The following MCC variants were observed in gnomAD, a reference collection of about 807,000 sequenced individuals.
MCC encodes MCC regulator of Wnt signaling pathway.
Under a neutral mutation model 116.2 loss-of-function variants are expected in MCC, and 90 were observed. The ratio of observed to expected loss-of-function variants is 0.77; its 90% CI spans 0.65 to 0.92. The LOEUF is 0.92. Ranked by LOEUF, MCC falls within the 40% of genes least tolerant of loss-of-function variation. The probability of loss-of-function intolerance (pLI) is 0.00; values close to 1 mark genes in which losing one functional copy is unlikely to be tolerated. For missense variants in MCC, 1,516 were observed against 1,312.2 expected, an observed-to-expected ratio of 1.16 and a Z score of -2.40; for synonymous variants, 578 against 510.5, an observed-to-expected ratio of 1.13 and a Z score of -1.78.
chr5:113,379,481 A>G (rs1241198449), intron 2 of MCC, among the ~76,000 whole-genome samples: 1 of 152,206 alleles, frequency 6.6e-6, no homozygotes, highest in African/African-American at 2.4e-5. Context: ...ATCTTGAGAC[A>G]TAAAAAACTT....
chr5:113,217,191 A>T (rs1000009302), intron 3 of MCC, among the ~76,000 whole-genome samples: 2 of 152,242 alleles, frequency 1.3e-5, no homozygotes, highest in Admixed American at 1.3e-4. Flanking sequence ...TAAAAGACCA[A>T]ACTCCAAAGG....
chr5:113,289,583 C>T (rs1009571545), intron 3 of MCC, among the ~76,000 whole-genome samples: 3 of 152,220 alleles, frequency 2.0e-5, no homozygotes, highest in Admixed American at 2.0e-4. Context: ...GCACCTTTAC[C>T]TCCTCTTTCT....
At chr5:113,257,161 C>G (rs922711217) in intron 3 of MCC, among the ~76,000 whole-genome samples, 1 of 152,052 alleles carries the variant, frequency 6.6e-6, no homozygotes, top group Non-Finnish European at 1.5e-5. Context: ...TGGGGCTAAG[C>G]GTGTTCATTT....
At chr5:113,423,335 A>T (rs1332041627) in intron 1 of MCC, among the ~76,000 whole-genome samples, 1 of 152,208 alleles carries the variant, frequency 6.6e-6, no homozygotes, top group Non-Finnish European at 1.5e-5. Flanking sequence ...CATGAGCTCA[A>T]TGTTAATGAA....
chr5:113,201,151 C>T (rs1462040457), intron 3 of MCC, among the ~76,000 whole-genome samples: 1 of 151,914 alleles, frequency 6.6e-6, no homozygotes, highest in Non-Finnish European at 1.5e-5. Flanking sequence ...TTTGGGAGGC[C>T]GAGATGGGAG....
intron 2 of MCC, among the ~76,000 whole-genome samples, chr5:113,366,112 C>T (rs572809657): frequency 3.4e-5 from 5 of 145,680 alleles, no homozygotes; most frequent in Non-Finnish European, 6.0e-5. Flanking sequence ...TTTCAGTTCA[C>T]GAATTCTCTC....
chr5:113,327,557 A>ATATATATATATATAT (rs1243077934), intron 3 of MCC, among the ~76,000 whole-genome samples: 34 of 82,026 alleles, frequency 4.1e-4, no homozygotes, highest in Non-Finnish European at 7.5e-4. Flanking sequence ...AAAAAAAAAA[A>ATATATATATATATAT]AAAAATATAT....
intron 15 of MCC, among the ~76,000 whole-genome samples, chr5:113,050,876 C>T (rs549134488): frequency 6.6e-5 from 10 of 152,344 alleles, no homozygotes; most frequent in Admixed American, 2.0e-4. Flanking sequence ...AGGCCAGGGC[C>T]GTGGCCTCTG....
At chr5:113,380,097 T>G (rs1769081007) in intron 2 of MCC, among the ~76,000 whole-genome samples, 1 of 152,242 alleles carries the variant, frequency 6.6e-6, no homozygotes. Context: ...ATGTAATGTT[T>G]TGACTAGTCT....
intron 1 of MCC, among the ~76,000 whole-genome samples, chr5:113,447,870 A>G (rs940607425): frequency 1.3e-5 from 2 of 151,900 alleles, no homozygotes; most frequent in African/African-American, 4.8e-5. Flanking sequence ...GCATTTTGAG[A>G]CAAAGGTCCA....
chr5:113,364,261 C>CAAAA (rs1561538962), intron 2 of MCC, among the ~76,000 whole-genome samples: 25 of 79,778 alleles, frequency 3.1e-4, no homozygotes, highest in Non-Finnish European at 4.1e-4. Context: ...AAAAAAAAAA[C>CAAAA]CAGAAAAAAA....
chr5:113,231,103 GA>G (rs905039207), intron 3 of MCC, among the ~76,000 whole-genome samples: 7 of 151,898 alleles, frequency 4.6e-5, no homozygotes, highest in African/African-American at 1.2e-4. Flanking sequence ...TCCTAAGGGG[GA>G]AAAAAAATCT....
chr5:113,345,937 C>T (rs1768122343), intron 2 of MCC, among the ~76,000 whole-genome samples: 1 of 152,126 alleles, frequency 6.6e-6, no homozygotes, highest in Non-Finnish European at 1.5e-5. Context: ...ACCTTCCAGA[C>T]AGAGAATTCA....
At chr5:113,375,687 G>C (rs1252898247) in intron 2 of MCC, among the ~76,000 whole-genome samples, 1 of 152,158 alleles carries the variant, frequency 6.6e-6, no homozygotes, top group East Asian at 1.9e-4. Flanking sequence ...GCCTCCCTGT[G>C]TGGTCTTTCA....
chr5:113,110,666 T>A (rs1757035440), intron 6 of MCC, among the ~76,000 whole-genome samples: 1 of 152,222 alleles, frequency 6.6e-6, no homozygotes, highest in South Asian at 2.1e-4. Flanking sequence ...TTCAAAGCTG[T>A]CTGATAAGAC....
At chr5:113,150,949 T>C (rs1759825180) in intron 4 of MCC, among the ~76,000 whole-genome samples, 1 of 151,974 alleles carries the variant, frequency 6.6e-6, no homozygotes, top group Non-Finnish European at 1.5e-5. Flanking sequence ...GAGGCTGCGG[T>C]GTGAGGAATG....
At position 113,073,204 on chromosome 5, in the gene MCC, C is replaced by T. The variant is rs1754165822; in HGVS notation, c.1785-1970G>A. On this transcript the variant is annotated intron_variant, in intron 11 of 18. Transcript: ENST00000408903. ...AAAGATTGGACACCCCTGCACTAGA[C>T]CCCTGAGGATCTTTTTTGAGACCAT... Among the ~76,000 whole-genome samples, 5 of 152,152 alleles carry T rather than the reference C, an allele frequency of 3.3e-5. No homozygotes were observed. The South Asian group carries it at 1.0e-3, about 32-fold the overall frequency.
intron 16 of MCC, among the ~76,000 whole-genome samples, chr5:113,047,848 AC>A (rs1192930230): frequency 6.6e-6 from 1 of 151,276 alleles, no homozygotes; most frequent in African/African-American, 2.4e-5. Flanking sequence ...AAAAAAAAAA[AC>A]ACCTGGGGGC....
chr5:113,466,922 C>A (rs1771925974), intron 1 of MCC, among the ~76,000 whole-genome samples: 1 of 152,240 alleles, frequency 6.6e-6, no homozygotes, highest in African/African-American at 2.4e-5. Flanking sequence ...ATTTGCATTT[C>A]TCTGATGGCC....
Sources: allele counts gnomAD v4.1 joint callset (sites outside exome capture counted in the v4.1 genomes callset), GRCh38; gene constraint gnomAD v4.1.1; transcripts MANE v1.5; gene names NCBI Gene and HGNC (gene_info 2026-07-23, HGNC 2026-07-21).